ULK4: variants seen among roughly 807,000 people sequenced by gnomAD.
The protein encoded by ULK4 is inactive serine/threonine-protein kinase ULK4.
In ULK4, 133 loss-of-function variants were observed where a neutral mutation model predicts 160.6. The observed-to-expected ratio is 0.83, with a 90% CI of 0.72 to 0.96. The LOEUF is 0.96. Among genes scored for constraint, ULK4 ranks in the 40% least tolerant of loss-of-function variants. The probability of loss-of-function intolerance (pLI) is 0.00; values close to 1 mark genes in which losing one functional copy is unlikely to be tolerated. For synonymous variants in ULK4, 534 were observed against 539.8 expected (o/e 0.99, Z 0.15); for missense variants, 1,580 against 1,499.5 (o/e 1.05, Z -0.89).
chr3:41,912,727 T>C (rs1401200364), intron 9 of ULK4, 80 bp downstream of exon 9: 8 of 1,194,792 alleles, frequency 6.7e-6, no homozygotes, highest in East Asian at 4.9e-5. Flanking sequence ...ATTCCAGTCA[T>C]TGATGTTGTA....
intron 2 of ULK4, among the ~76,000 whole-genome samples, chr3:41,944,976 G>A (rs181295855): frequency 6.6e-6 from 1 of 152,104 alleles, no homozygotes; most frequent in South Asian, 2.1e-4. Context: ...AATATATTCT[G>A]GCTAACAAAA....
At chr3:41,491,944 A>G (rs1310413513) in intron 32 of ULK4, among the ~76,000 whole-genome samples, 1 of 138,856 alleles carries the variant, frequency 7.2e-6, no homozygotes. Flanking sequence ...ATGTGTTCTC[A>G]TTGTTCAATT....
intron 3 of ULK4, chr3:41,937,350 C>T: frequency 1.5e-6 from 1 of 685,472 alleles, no homozygotes; most frequent in Non-Finnish European, 2.6e-6. Context: ...CCTATTGATT[C>T]AGAAAAATAA....
intron 32 of ULK4, among the ~76,000 whole-genome samples, chr3:41,538,028 T>C (rs755469891): frequency 2.0e-5 from 3 of 152,134 alleles, no homozygotes; most frequent in Non-Finnish European, 4.4e-5. Flanking sequence ...TGGGAACTCA[T>C]CTGCCGCCTC....
chr3:41,337,498 T>C (rs1380510051), intron 35 of ULK4, among the ~76,000 whole-genome samples: 1 of 151,868 alleles, frequency 6.6e-6, no homozygotes, highest in Non-Finnish European at 1.5e-5. Context: ...TGTGCTAGGA[T>C]AGGGAAGATA....
At chr3:41,702,209 G>T (rs935137795) in intron 27 of ULK4, among the ~76,000 whole-genome samples, 1 of 152,000 alleles carries the variant, frequency 6.6e-6, no homozygotes, top group Admixed American at 6.6e-5. Flanking sequence ...ACCCAGGCTG[G>T]AGTACAGTGG....
At chr3:41,423,316 T>C (rs2082702004) in intron 34 of ULK4, among the ~76,000 whole-genome samples, 1 of 152,200 alleles carries the variant, frequency 6.6e-6, no homozygotes, top group Non-Finnish European at 1.5e-5. Flanking sequence ...GTACGTTTTC[T>C]AATTCAAATG....
intron 30 of ULK4, among the ~76,000 whole-genome samples, chr3:41,650,462 G>A (rs2034694190): frequency 6.6e-6 from 1 of 152,196 alleles, no homozygotes; most frequent in African/African-American, 2.4e-5. Flanking sequence ...ATGCTACCAC[G>A]TTCCCCAGTG....
At chr3:41,799,199 G>T (rs1343161268) in intron 20 of ULK4, among the ~76,000 whole-genome samples, 3 of 152,098 alleles carry the variant, frequency 2.0e-5, no homozygotes, top group Non-Finnish European at 4.4e-5. Context: ...GCCACATAGC[G>T]TTTGAGAGCC....
chr3:41,251,939 C>T (rs2078750449), intron 35 of ULK4, among the ~76,000 whole-genome samples: 1 of 152,182 alleles, frequency 6.6e-6, no homozygotes, highest in African/African-American at 2.4e-5. Flanking sequence ...GCCTCACCCC[C>T]AACCTGTGTA....
intron 11 of ULK4, among the ~76,000 whole-genome samples, chr3:41,910,525 G>A (rs1698743812): frequency 6.6e-6 from 1 of 152,046 alleles, no homozygotes; most frequent in Admixed American, 6.6e-5. Context: ...GAACCTGGGA[G>A]GTGGAGGCTG....
At chr3:41,486,637 T>A (rs962508306) in intron 32 of ULK4, among the ~76,000 whole-genome samples, 1 of 152,134 alleles carries the variant, frequency 6.6e-6, no homozygotes, top group Non-Finnish European at 1.5e-5. Flanking sequence ...GCATTTTTTT[T>A]ATTTCTATAG....
chr3:41,957,693 ACAGGGTGAGAC>A (rs1700530306), intron 1 of ULK4, among the ~76,000 whole-genome samples: 1 of 151,616 alleles, frequency 6.6e-6, no homozygotes, highest in Non-Finnish European at 1.5e-5. Context: ...AGCCTGGACA[ACAGGGTGAGAC>A]CATGTCTCAG....
intron 31 of ULK4, among the ~76,000 whole-genome samples, chr3:41,592,908 T>A (rs899109307): frequency 6.6e-6 from 1 of 152,138 alleles, no homozygotes; most frequent in South Asian, 2.1e-4. Flanking sequence ...GATTTTTTTT[T>A]AAACTGATGT....
chr3:41,609,406 G>A (rs1026322273), intron 31 of ULK4, among the ~76,000 whole-genome samples: 1 of 152,078 alleles, frequency 6.6e-6, no homozygotes, highest in Non-Finnish European at 1.5e-5. Flanking sequence ...TTGCAAACAT[G>A]TATTTATGAC....
intron 32 of ULK4, among the ~76,000 whole-genome samples, chr3:41,527,279 C>A (rs776674755): frequency 7.2e-5 from 11 of 152,166 alleles, no homozygotes; most frequent in African/African-American, 2.7e-4. Context: ...CAGAGCTGCC[C>A]AAGTACAAAG....
At chr3:41,877,290 C>T (rs1697341536) in intron 17 of ULK4, among the ~76,000 whole-genome samples, 2 of 149,800 alleles carry the variant, frequency 1.3e-5, no homozygotes, top group Admixed American at 1.3e-4. Context: ...CTATTCTAAA[C>T]TCTAAGCTAA....
At chr3:41,817,908 T>C (rs900483223) in intron 19 of ULK4, among the ~76,000 whole-genome samples, 1 of 151,894 alleles carries the variant, frequency 6.6e-6, no homozygotes, top group African/African-American at 2.4e-5. Flanking sequence ...TGCTAGCAGG[T>C]ACATGACCAA....
intron 31 of ULK4, among the ~76,000 whole-genome samples, chr3:41,568,079 A>C (rs1170760773): frequency 1.3e-5 from 2 of 152,194 alleles, no homozygotes; most frequent in Non-Finnish European, 2.9e-5. Context: ...TACACTCAGG[A>C]TTATTCATTT....
Sources: gnomAD v4.1 joint callset for allele counts (sites outside exome capture counted in the v4.1 genomes callset) on GRCh38, gnomAD v4.1.1 for gene constraint, MANE v1.5 for transcripts, NCBI Gene and HGNC (gene_info 2026-07-23, HGNC 2026-07-21) for gene names.